RBFOX1: variants seen among roughly 807,000 people sequenced by gnomAD.
RBFOX1 encodes RNA binding fox-1 homolog 1.
RBFOX1 carries 8 observed loss-of-function variants against 57.7 expected under a neutral mutation model. The observed-to-expected ratio is 0.14, with a 90% CI of 0.08 to 0.25. The LOEUF is 0.25. Among genes scored for constraint, RBFOX1 ranks in the 10% least tolerant of loss-of-function variants. The pLI is 1.00. For missense variants in RBFOX1, 611 were observed against 548.5 expected, an observed-to-expected ratio of 1.11 and a Z score of -1.14; for synonymous variants, 326 against 222.4, an observed-to-expected ratio of 1.47 and a Z score of -4.15.
At chr16:5,900,498 T>A (rs555602596) in intron 4 of RBFOX1, among the ~76,000 whole-genome samples, 18 of 152,298 alleles carry the variant, frequency 1.2e-4, no homozygotes, top group Admixed American at 6.5e-5. Flanking sequence ...TGTTTCCTTT[T>A]TTAGCCCTTT....
rs1473986651 is a variant in RBFOX1, at chr16:7,217,291, TC to T, written c.27+165194del. Among the ~76,000 whole-genome samples the T allele has an allele frequency of 1.5e-4, 9 of 59,172 alleles. 1 individual carries two copies. The highest frequency in any genetic ancestry group is 5.6e-4 in the African/African-American group (8 of 14,206). The allele number at this position is 59,172 out of a possible 152,430, so 38.8% of individuals were successfully genotyped here. ...TAATTATCTTTTTTTTTCTTATTCT[TC>T]TTTTTTTTTTTTTTTTTTAGTAGAG... On this transcript the variant is annotated intron_variant, in intron 4 of 15. Transcript: ENST00000550418.
At chr16:6,004,486 T>A (rs1471755952) in intron 4 of RBFOX1, among the ~76,000 whole-genome samples, 2 of 152,252 alleles carry the variant, frequency 1.3e-5, no homozygotes, top group Admixed American at 6.5e-5. Context: ...ATATGCCTGA[T>A]GCAATACTTG....
intron 2 of RBFOX1, among the ~76,000 whole-genome samples, chr16:5,583,229 A>G (rs2046731461): frequency 1.3e-5 from 2 of 152,260 alleles, no homozygotes; most frequent in African/African-American, 4.8e-5. Context: ...AACTGTTGTT[A>G]AAGCCAACTA....
intron 3 of RBFOX1, among the ~76,000 whole-genome samples, chr16:6,989,630 A>T (rs1214335155): frequency 6.6e-6 from 1 of 152,174 alleles, no homozygotes; most frequent in Non-Finnish European, 1.5e-5. Flanking sequence ...ATCTCTGCAG[A>T]CTGTCTGGAG....
intron 3 of RBFOX1, among the ~76,000 whole-genome samples, chr16:5,866,537 T>A (rs146294114): frequency 2.0e-5 from 3 of 152,286 alleles, no homozygotes; most frequent in Admixed American, 1.3e-4. Flanking sequence ...AGATCTGATC[T>A]CTAGATAGGA....
At chr16:7,010,039 A>T (rs879580485) in intron 3 of RBFOX1, among the ~76,000 whole-genome samples, 2 of 152,044 alleles carry the variant, frequency 1.3e-5, no homozygotes, top group Non-Finnish European at 1.5e-5. Context: ...TAAGAAAAAA[A>T]AAATGCACTC....
rs888877534 is a variant in RBFOX1 at position 6,210,550 on chromosome 16, C to G, written c.-126-106445C>G. Among the ~76,000 whole-genome samples the G allele has an allele frequency of 7.3e-5, 11 of 151,478 alleles. No individual in the cohort carries two copies. In the East Asian group the frequency reaches 2.0e-3, roughly 27 times the overall value. On this transcript the variant is annotated intron_variant, in intron 1 of 15. Coordinates refer to ENST00000550418, the MANE Select transcript of RBFOX1 (RefSeq NM_018723.4). ...TTTGAGACCAGGCTGGGTAATGTAG[C>G]GAGACCCTGTCTCTACAAAAAATTA...
intron 1 of RBFOX1, among the ~76,000 whole-genome samples, chr16:6,224,697 C>G (rs977870783): frequency 6.6e-6 from 1 of 152,068 alleles, no homozygotes; most frequent in Admixed American, 6.6e-5. Context: ...ATGACAGAAG[C>G]AACAATCAGA....
intron 3 of RBFOX1, among the ~76,000 whole-genome samples, chr16:6,840,352 T>C (rs914820432): frequency 6.6e-6 from 1 of 152,222 alleles, no homozygotes; most frequent in Non-Finnish European, 1.5e-5. Context: ...CGTTCATTCA[T>C]TGGTCCCTGT....
intron 2 of RBFOX1, among the ~76,000 whole-genome samples, chr16:6,412,112 A>G (rs1488069568): frequency 3.3e-5 from 5 of 150,956 alleles, no homozygotes; most frequent in African/African-American, 4.9e-5. Context: ...CAGTACAGGC[A>G]ATAGTGCAAG....
intron 2 of RBFOX1, among the ~76,000 whole-genome samples, chr16:5,468,889 C>T (rs1174840897): frequency 6.6e-6 from 1 of 152,230 alleles, no homozygotes; most frequent in Non-Finnish European, 1.5e-5. Context: ...GTCGCTACTT[C>T]TTCACTTGGC....
chr16:5,980,261 C>G (rs574725633), intron 4 of RBFOX1, among the ~76,000 whole-genome samples: 1 of 152,350 alleles, frequency 6.6e-6, no homozygotes, highest in East Asian at 1.9e-4. Context: ...TCCAAATCGA[C>G]TCCTTCCCTC....
At chr16:5,505,189 C>G (rs903941094) in intron 2 of RBFOX1, among the ~76,000 whole-genome samples, 1 of 152,322 alleles carries the variant, frequency 6.6e-6, no homozygotes, top group African/African-American at 2.4e-5. Flanking sequence ...GCATAAACCT[C>G]TTGTATGACC....
chr16:5,551,802 C>T (rs1051674298), intron 2 of RBFOX1, among the ~76,000 whole-genome samples: 1 of 151,710 alleles, frequency 6.6e-6, no homozygotes, highest in African/African-American at 2.4e-5. Context: ...CCCCCCACCC[C>T]CCGACAGGTG....
intron 10 of RBFOX1, among the ~76,000 whole-genome samples, chr16:7,617,200 G>C (rs1464014489): frequency 6.6e-6 from 1 of 152,144 alleles, no homozygotes; most frequent in Non-Finnish European, 1.5e-5. Context: ...GGCACAGATA[G>C]TGTTTTTGAC....
Position 5,297,610 on chromosome 16 carries a change from T to C in RBFOX1, c.219+57505T>C, listed in dbSNP as rs148124877. Among the ~76,000 whole-genome samples, 280 of 152,334 alleles carry C rather than the reference T, an allele frequency of 1.8e-3. 1 individual carries two copies. The highest frequency in any genetic ancestry group is 6.6e-3 in the African/African-American group (274 of 41,584). ...GTTTTCTTACTATTGAGTTGAGTTC[T>C]TTATATGTTTTGGAGTTCCTTATAT... On this transcript the variant is annotated intron_variant, in intron 1 of 2. Coordinates refer to the RBFOX1 transcript ENST00000585867.
chr16:5,854,885 C>G (rs545137234), intron 3 of RBFOX1, among the ~76,000 whole-genome samples: 1 of 152,246 alleles, frequency 6.6e-6, no homozygotes, highest in Non-Finnish European at 1.5e-5. Flanking sequence ...CTCACCAACA[C>G]TTGCTATCTT....
chr16:5,988,877 G>C (rs1377001501), intron 4 of RBFOX1, among the ~76,000 whole-genome samples: 1 of 152,148 alleles, frequency 6.6e-6, no homozygotes, highest in Non-Finnish European at 1.5e-5. Flanking sequence ...AGGTAGGAAA[G>C]TATATGCAGT....
intron 3 of RBFOX1, among the ~76,000 whole-genome samples, chr16:6,988,594 A>G (rs2090799007): frequency 6.6e-6 from 1 of 150,992 alleles, no homozygotes; most frequent in African/African-American, 2.4e-5. Flanking sequence ...TTTATTTGGG[A>G]CCGAGTCTTG....
Sources: gnomAD v4.1 joint callset for allele counts (sites outside exome capture counted in the v4.1 genomes callset) on GRCh38, gnomAD v4.1.1 for gene constraint, MANE v1.5 for transcripts, NCBI Gene and HGNC (gene_info 2026-07-23, HGNC 2026-07-21) for gene names.